NIPBL: variants seen among roughly 807,000 people sequenced by gnomAD.
NIPBL encodes nipped-B-like protein.
In NIPBL, 19 loss-of-function variants were observed where a neutral mutation model predicts 321.8. The observed-to-expected ratio is 0.06, with a 90% confidence interval of 0.04 to 0.09. The LOEUF is 0.09. Among genes scored for constraint, NIPBL ranks in the 10% least tolerant of loss-of-function variants. The pLI is 1.00. For synonymous variants in NIPBL, 1,106 were observed against 1,114.1 expected, an observed-to-expected ratio of 0.99 and a Z score of 0.14; for missense variants, 2,210 against 3,327.0, an observed-to-expected ratio of 0.66 and a Z score of 8.26.
intron 10 of NIPBL, among the ~76,000 whole-genome samples, chr5:36,991,815 A>G (rs1280532231): frequency 6.6e-6 from 1 of 150,418 alleles, no homozygotes; most frequent in East Asian, 2.0e-4. Context: ...TTTGTTTCTG[A>G]ACGTGACTTG....
chr5:37,028,309 T>G (rs1286851622), intron 32 of NIPBL, among the ~76,000 whole-genome samples: 1 of 151,236 alleles, frequency 6.6e-6, no homozygotes, highest in African/African-American at 2.4e-5. Context: ...CTTTTCTTTC[T>G]TTCTTCTTTT....
chr5:37,062,707 T>TC (rs1754871268), intron 45 of NIPBL, among the ~76,000 whole-genome samples: 1 of 152,104 alleles, frequency 6.6e-6, no homozygotes, highest in South Asian at 2.1e-4. Flanking sequence ...TTTGCTTGAG[T>TC]CCAGGAAGTC....
Position 37,022,158 on chromosome 5 carries a change from C to CA in NIPBL, c.5427+14dup, listed in dbSNP as rs763132489. On this transcript the variant is annotated intron_variant, in intron 28 of 46. Transcript: ENST00000282516. ...CCAGTATTCTAGCAAGGGTAAAGAG[C>CA]AAAAATGATTCTTTCTTTTCTACTC... 69 of 1,613,286 alleles carry CA rather than the reference C, an allele frequency of 4.3e-5. No individual in the cohort carries two copies. The highest frequency in any genetic ancestry group is 5.7e-5 in the Non-Finnish European group (67 of 1,179,406).
chr5:36,950,358 G>A (rs552900827), intron 1 of NIPBL, among the ~76,000 whole-genome samples: 9 of 152,112 alleles, frequency 5.9e-5, no homozygotes, highest in Admixed American at 2.6e-4. Context: ...TGTGCCAGGT[G>A]GTATGTCAAA....
chr5:37,054,534 T>C (rs1015919070), intron 42 of NIPBL, among the ~76,000 whole-genome samples: 1 of 152,198 alleles, frequency 6.6e-6, no homozygotes, highest in African/African-American at 2.4e-5. Flanking sequence ...GTTGATAATA[T>C]TGTTCCAGTC....
At chr5:36,921,444 G>T (rs114053754) in intron 1 of NIPBL, among the ~76,000 whole-genome samples, 292 of 152,244 alleles carry the variant, frequency 1.9e-3, no homozygotes, top group African/African-American at 6.8e-3. Flanking sequence ...TTACAATTCT[G>T]TGCCTGTCTT....
At chr5:37,027,474 GTT>G (rs75728277) in intron 32 of NIPBL, 62 bp downstream of exon 32, 1,046 of 923,702 alleles carry the variant, frequency 1.1e-3, no homozygotes, top group Non-Finnish European at 1.3e-3. Flanking sequence ...TGTTGTTGGT[GTT>G]TTTTTTTTTT....
At position 37,064,601 on chromosome 5, in the gene NIPBL, G is replaced by A. The variant is rs1410269269; in HGVS notation, c.8124G>A (p.Met2708Ile). Residue 2708 changes from methionine to isoleucine, a missense_variant, in exon 47 of 47, where the codon ATG (methionine) becomes ATA (isoleucine). Physicochemically the swap from Met to Ile is conservative, Grantham distance 10. Coordinates refer to ENST00000282516, the MANE Select transcript of NIPBL (RefSeq NM_133433.4). ...AGATGAATGAAAGTGTTGACGTCAT[G>A]GATGTCATCGCTATTTGCTGTCCAA... ...AAQMNESVDVMDVIAICCPKY... is the reference protein window; with the variant it reads ...AAQMNESVDVIDVIAICCPKY... 6.2e-7 allele frequency: 1 copy of A among 1,614,046 alleles called. No individual in the cohort carries two copies. The highest frequency in any genetic ancestry group is 1.3e-5 in the African/African-American group (1 of 74,892).
chr5:37,065,786 A>G lies in NIPBL; in HGVS notation c.*894A>G, dbSNP rs1025181316. ...GCACTGTGCCAAACACATTTTCAAGAGTACATTTTGATATAAAAAGAAACT... is the reference window on the plus strand; with the variant it reads ...GCACTGTGCCAAACACATTTTCAAGGGTACATTTTGATATAAAAAGAAACT... On this transcript the variant is annotated 3_prime_UTR_variant, in exon 47 of 47. Coordinates refer to ENST00000282516, the MANE Select transcript of NIPBL (RefSeq NM_133433.4). The G allele has an allele frequency of 1.3e-5, 2 of 152,638 alleles. No homozygotes were observed. The highest frequency in any genetic ancestry group is 4.8e-5 in the African/African-American group (2 of 41,462). The allele number at this position is 152,638 out of a possible 1,614,324, so 9.5% of individuals were successfully genotyped here.
At chr5:36,911,633 A>T (rs1200367634) in intron 1 of NIPBL, among the ~76,000 whole-genome samples, 1 of 152,212 alleles carries the variant, frequency 6.6e-6, no homozygotes, top group Non-Finnish European at 1.5e-5. Context: ...CGCCTCTTGT[A>T]TTCTCACAGT....
intron 1 of NIPBL, among the ~76,000 whole-genome samples, chr5:36,914,623 A>G (rs1748316360): frequency 6.6e-6 from 1 of 152,188 alleles, no homozygotes; most frequent in Non-Finnish European, 1.5e-5. Context: ...TCTACAAGAT[A>G]TCTCATTACG....
At chr5:36,974,581 A>G (rs1170318746) in intron 8 of NIPBL, among the ~76,000 whole-genome samples, 1 of 152,166 alleles carries the variant, frequency 6.6e-6, no homozygotes, top group Non-Finnish European at 1.5e-5. Flanking sequence ...ATGTTGTAAA[A>G]ATCAAGTGAA....
chr5:36,880,346 A>G (rs1427398115), intron 1 of NIPBL, among the ~76,000 whole-genome samples: 2 of 152,094 alleles, frequency 1.3e-5, no homozygotes, highest in African/African-American at 4.8e-5. Context: ...TTAATAATAT[A>G]AGAGTAAATA....
At chr5:36,936,666 C>A (rs185520347) in intron 1 of NIPBL, among the ~76,000 whole-genome samples, 81 of 152,232 alleles carry the variant, frequency 5.3e-4, no homozygotes, top group African/African-American at 1.9e-3. Flanking sequence ...TCCCATTTTA[C>A]CTTCCTTGTG....
intron 9 of NIPBL, among the ~76,000 whole-genome samples, chr5:36,980,350 G>T (rs1215937032): frequency 6.6e-6 from 1 of 151,616 alleles, no homozygotes; most frequent in East Asian, 1.9e-4. Context: ...ATTAAAGTAG[G>T]TTTTGCTGAT....
rs188978479 is a variant in NIPBL at position 36,883,218 on chromosome 5, A to C, written c.-80+6040A>C. Among the ~76,000 whole-genome samples the C allele has an allele frequency of 2.6e-4, 39 of 152,108 alleles. No homozygotes were observed. In the East Asian group the frequency reaches 7.1e-3, roughly 28 times the overall value. On this transcript the variant is annotated intron_variant, in intron 1 of 46. Transcript: ENST00000282516. ...ATTGAATTTTCAAAATAATTCATGTAGGTAAATTGCTTTGCCATCTTACAT... is the reference window on the plus strand; with the variant it reads ...ATTGAATTTTCAAAATAATTCATGTCGGTAAATTGCTTTGCCATCTTACAT...
At chr5:36,955,987 C>A (rs1050459842) in intron 3 of NIPBL, among the ~76,000 whole-genome samples, 1 of 150,220 alleles carries the variant, frequency 6.7e-6, no homozygotes, top group Non-Finnish European at 1.5e-5. Context: ...TTTGGGAGGC[C>A]GAGGCAGGTG....
chr5:37,001,904 C>T (rs550536370), intron 14 of NIPBL, among the ~76,000 whole-genome samples: 13 of 152,090 alleles, frequency 8.5e-5, no homozygotes, highest in Admixed American at 6.6e-5. Flanking sequence ...GAATTACTTG[C>T]CTGAGTATCA....
At position 36,986,019 on chromosome 5, in the gene NIPBL, G is replaced by T; in HGVS notation, c.2839G>T (p.Gly947Trp). The change falls in exon 10 of 47, where the codon GGG (glycine) becomes TGG (tryptophan). Residue 947 changes from glycine (G) to tryptophan (W), a missense_variant. Transcript: ENST00000282516. The stretch of plus-strand genomic sequence containing the variant: ...GGCAGAATTTCCAAGTTATTTGTTG[G>T]GGGGCAGGTCTGGTGCGTTGAAAAA... Reference protein sequence around the residue: ...NKAEFPSYLLGGRSGALKNFV... With the variant: ...NKAEFPSYLLWGRSGALKNFV... 1 of 1,613,966 alleles carries T rather than the reference G, an allele frequency of 6.2e-7. No individual in the cohort carries two copies.
Sources: allele counts gnomAD v4.1 joint callset (sites outside exome capture counted in the v4.1 genomes callset), GRCh38; gene constraint gnomAD v4.1.1; transcripts MANE v1.5; gene names NCBI Gene and HGNC (gene_info 2026-07-23, HGNC 2026-07-21).